DNER: variants seen among roughly 807,000 people sequenced by gnomAD.
DNER encodes the protein delta/notch like EGF repeat containing.
A neutral mutation model predicts 78.2 loss-of-function variants in DNER; 33 were observed. That is an observed-to-expected ratio of 0.42 (90% CI 0.32 to 0.56). DNER has a LOEUF of 0.56. DNER is among the 20% of genes least tolerant of loss of function. The probability of loss-of-function intolerance (pLI) is 0.11; values close to 1 mark genes in which losing one functional copy is unlikely to be tolerated. For missense variants in DNER, 918 were observed against 975.3 expected (o/e 0.94, Z 0.78); for synonymous variants, 417 against 384.8 (o/e 1.08, Z -0.98).
At chr2:229,551,966 A>G (rs542766212) in intron 4 of DNER, among the ~76,000 whole-genome samples, 1 of 152,026 alleles carries the variant, frequency 6.6e-6, no homozygotes, top group East Asian at 1.9e-4. Flanking sequence ...ATAAAATAAT[A>G]AGTATGTATA....
intron 11 of DNER, among the ~76,000 whole-genome samples, chr2:229,373,516 T>C (rs1040123794): frequency 2.0e-5 from 3 of 152,180 alleles, no homozygotes; most frequent in African/African-American, 7.2e-5. Flanking sequence ...TCAGCCACTG[T>C]GGAAAGCAGT....
chr2:229,663,187 T>C (rs1271471900), intron 1 of DNER, among the ~76,000 whole-genome samples: 3 of 152,210 alleles, frequency 2.0e-5, no homozygotes, highest in Admixed American at 2.0e-4. Flanking sequence ...TTTTAATTAT[T>C]AGCTCTTCTT....
chr2:229,498,401 A>T (rs1695543956), intron 6 of DNER, among the ~76,000 whole-genome samples: 1 of 152,212 alleles, frequency 6.6e-6, no homozygotes, highest in South Asian at 2.1e-4. Flanking sequence ...TATTGAACAT[A>T]TAACTTAATA....
At chr2:229,668,530 GTGTGTGTATATA>G (rs1271086013) in intron 1 of DNER, among the ~76,000 whole-genome samples, 15 of 5,502 alleles carry the variant, frequency 2.7e-3, no homozygotes, top group African/African-American at 4.6e-3. Flanking sequence ...GTGTGTGTGT[GTGTGTGTATATA>G]TATATATATA....
At chr2:229,402,705 T>C (rs1574827423) in intron 10 of DNER, among the ~76,000 whole-genome samples, 1 of 152,158 alleles carries the variant, frequency 6.6e-6, no homozygotes, top group Admixed American at 6.5e-5. Context: ...CAGTCTATGG[T>C]TTCAGGTAAA....
At chr2:229,402,145 A>G (rs72980652) in intron 10 of DNER, among the ~76,000 whole-genome samples, 1 of 135,772 alleles carries the variant, frequency 7.4e-6, no homozygotes, top group Non-Finnish European at 1.7e-5. Flanking sequence ...ACCATAAAAG[A>G]AAAAAAATTG....
rs1699960389 is a variant in DNER, at chr2:229,714,331, G to A, written c.93C>T (p.Ser31=). The change falls in exon 1 of 13, where the codon AGC becomes AGT. Residue 31 remains serine, a synonymous_variant. Coordinates refer to ENST00000341772, the MANE Select transcript of DNER (RefSeq NM_139072.4). ...CGGCGGGCACCGGGTTGGCCAGGGA[G>A]CTGCCTCGGGGCCCCGCTCCGAGCA... ...LLLLGAGPRG[S]SLANPVPAAP... 5 of 1,269,742 alleles carry A rather than the reference G, an allele frequency of 3.9e-6. No homozygotes were observed. In the South Asian group the frequency reaches 1.1e-4, roughly 29 times the overall value. 78.7% of individuals were successfully genotyped at this position (1,269,742 alleles called of 1,614,324 possible). A position where few individuals can be genotyped will look rare whatever the true frequency, so the allele number is the denominator to read the frequency against.
chr2:229,554,763 G>A (rs1696817323), intron 4 of DNER, among the ~76,000 whole-genome samples: 1 of 151,864 alleles, frequency 6.6e-6, no homozygotes, highest in Non-Finnish European at 1.5e-5. Flanking sequence ...AGCTACTCAG[G>A]AGGATCACTT....
At chr2:229,428,278 C>T (rs146448549) in intron 8 of DNER, among the ~76,000 whole-genome samples, 2 of 152,028 alleles carry the variant, frequency 1.3e-5, no homozygotes, top group Non-Finnish European at 2.9e-5. Context: ...CTGCTGCAAT[C>T]GTCTCGGGAA....
intron 1 of DNER, among the ~76,000 whole-genome samples, chr2:229,609,180 G>A (rs879204075): frequency 5.9e-5 from 9 of 152,136 alleles, no homozygotes; most frequent in African/African-American, 1.9e-4. Flanking sequence ...CTAAGATCAC[G>A]CCACTGCACT....
At position 229,626,649 on chromosome 2, in the gene DNER, C is replaced by T. The variant is rs146036674; in HGVS notation, c.277-34761G>A. 3.9e-3 allele frequency among the ~76,000 whole-genome samples: 590 copies of T among 152,238 alleles called. 3 individuals carry two copies. Among genetic ancestry groups the T allele is most frequent in the African/African-American group, 0.013 (552 of 41,540 alleles). On this transcript the variant is annotated intron_variant, in intron 1 of 12. Coordinates refer to ENST00000341772, the MANE Select transcript of DNER (RefSeq NM_139072.4). ...TTTGGGAAATAATACCAGCTTTTCCCATATAAAGTAAATTAATAAATCAAT... is the reference window on the plus strand; with the variant it reads ...TTTGGGAAATAATACCAGCTTTTCCTATATAAAGTAAATTAATAAATCAAT...
chr2:229,424,406 A>G (rs1255710597), intron 8 of DNER, among the ~76,000 whole-genome samples: 2 of 152,124 alleles, frequency 1.3e-5, no homozygotes, highest in African/African-American at 4.8e-5. Flanking sequence ...CGCATTGTCT[A>G]GTATGTTAGT....
At chr2:229,708,063 CT>C (rs1699855779) in intron 1 of DNER, among the ~76,000 whole-genome samples, 1 of 152,232 alleles carries the variant, frequency 6.6e-6, no homozygotes, top group African/African-American at 2.4e-5. Context: ...CATTTGGACT[CT>C]TTCCATTCTA....
chr2:229,561,547 G>C (rs1696959727), intron 4 of DNER, among the ~76,000 whole-genome samples: 1 of 151,968 alleles, frequency 6.6e-6, no homozygotes, highest in South Asian at 2.1e-4. Context: ...GGCTTAAAGA[G>C]TGAACAAAAA....
chr2:229,432,929 TTTG>T (rs906457690), intron 8 of DNER, among the ~76,000 whole-genome samples: 42 of 151,900 alleles, frequency 2.8e-4, no homozygotes, highest in South Asian at 6.3e-4. Flanking sequence ...TTTTTTGTGT[TTTG>T]TTGTTGTTGT....
At chr2:229,394,367 G>C (rs1263379069) in intron 10 of DNER, among the ~76,000 whole-genome samples, 9 of 151,782 alleles carry the variant, frequency 5.9e-5, no homozygotes, top group Non-Finnish European at 1.5e-5. Flanking sequence ...CACTGCCCAA[G>C]ACACAGACAG....
chr2:229,615,172 G>T (rs1473761802), intron 1 of DNER, among the ~76,000 whole-genome samples: 1 of 152,128 alleles, frequency 6.6e-6, no homozygotes, highest in Non-Finnish European at 1.5e-5. Context: ...AGCACTTTGG[G>T]AGGCCGAGGC....
At chr2:229,621,978 C>G (rs1039834336) in intron 1 of DNER, among the ~76,000 whole-genome samples, 6 of 152,054 alleles carry the variant, frequency 3.9e-5, no homozygotes, top group South Asian at 2.1e-4. Flanking sequence ...CCCAGCTACT[C>G]GGGAGGCTGA....
chr2:229,512,587 G>C (rs1343210175), intron 6 of DNER, among the ~76,000 whole-genome samples, 196 bp downstream of exon 6: 1 of 152,038 alleles, frequency 6.6e-6, no homozygotes, highest in Non-Finnish European at 1.5e-5. Context: ...AAGGGGATGA[G>C]GAATAAAGAT....
Sources: gnomAD v4.1 joint callset for allele counts (sites outside exome capture counted in the v4.1 genomes callset) on GRCh38, gnomAD v4.1.1 for gene constraint, MANE v1.5 for transcripts, NCBI Gene and HGNC (gene_info 2026-07-23, HGNC 2026-07-21) for gene names.